The following CCNY variants were observed in gnomAD, a reference collection of about 807,000 sequenced individuals.
CCNY encodes the protein cyclin-Y.
CCNY carries 19 observed loss-of-function variants against 42.8 expected under a neutral mutation model. The observed-to-expected ratio is 0.44, with a 90% confidence interval of 0.31 to 0.65. The LOEUF (loss-of-function observed/expected upper bound fraction) is 0.65. CCNY is among the 30% of genes least tolerant of loss of function. The pLI, the probability that CCNY is intolerant of heterozygous loss-of-function variation, is 0.07. For synonymous variants in CCNY, 165 were observed against 162.7 expected (o/e 1.01, Z -0.11); for missense variants, 370 against 437.3 (o/e 0.85, Z 1.37).
chr10:35,380,030 T>C (rs1837144347), intron 1 of CCNY, among the ~76,000 whole-genome samples: 1 of 152,244 alleles, frequency 6.6e-6, no homozygotes, highest in Admixed American at 6.5e-5. Flanking sequence ...AGGACTACTT[T>C]GTGTTTCGAA....
At position 35,569,389 on chromosome 10, in the gene CCNY, CT is replaced by C. The variant is rs1841640878; in HGVS notation, c.*221del. ...GCTCTCCCCACTGTCAGCAACAGCA[CT>C]TCCTTCGTGGAGGAAGTGGACTCGA... On this transcript the variant is annotated 3_prime_UTR_variant, in exon 10 of 10. Transcript: ENST00000374704. 1 of 556,312 alleles carries C rather than the reference CT, an allele frequency of 1.8e-6. No homozygotes were observed. Among genetic ancestry groups the C allele is most frequent in the Non-Finnish European group, 3.2e-6 (1 of 310,270 alleles). The allele number at this position is 556,312 out of a possible 1,614,324, so 34.5% of individuals were successfully genotyped here.
At chr10:35,423,516 T>C (rs1838203549) in intron 1 of CCNY, among the ~76,000 whole-genome samples, 1 of 151,796 alleles carries the variant, frequency 6.6e-6, no homozygotes, top group African/African-American at 2.4e-5. Flanking sequence ...CTTTTTTTTT[T>C]TGGTGGGGTG....
intron 7 of CCNY, among the ~76,000 whole-genome samples, chr10:35,535,777 A>G (rs949722223): frequency 6.6e-6 from 1 of 152,208 alleles, no homozygotes; most frequent in Non-Finnish European, 1.5e-5. Flanking sequence ...TGTAGAGATG[A>G]TTTAAGTATA....
intron 1 of CCNY, among the ~76,000 whole-genome samples, chr10:35,428,369 GTGTTCTGGAGTAGAA>G (rs1838315063): frequency 6.6e-6 from 1 of 152,164 alleles, no homozygotes; most frequent in Non-Finnish European, 1.5e-5. Context: ...GTGGTAGGGG[GTGTTCTGGAGTAGAA>G]GGAAGGCCTG....
chr10:35,432,105 C>T lies in CCNY; in HGVS notation c.155-51299C>T, dbSNP rs548834585. On this transcript the variant is annotated intron_variant, in intron 1 of 9. Coordinates refer to ENST00000374704, the MANE Select transcript of CCNY (RefSeq NM_145012.6). Reference sequence around the variant, plus strand: ...TAACTTAAATAGTTGATTCATGTGGCGTATTTTTATTAGTATAAGCTAACC... The same window carrying T: ...TAACTTAAATAGTTGATTCATGTGGTGTATTTTTATTAGTATAAGCTAACC... Among the ~76,000 whole-genome samples, 21 of 152,144 alleles carry T rather than the reference C, an allele frequency of 1.4e-4. No homozygotes were observed. In the East Asian group the frequency reaches 3.7e-3, roughly 27 times the overall value.
chr10:35,402,705 A>T (rs576295849), intron 1 of CCNY, among the ~76,000 whole-genome samples: 1 of 152,290 alleles, frequency 6.6e-6, no homozygotes, highest in South Asian at 2.1e-4. Flanking sequence ...TGAGAATAAG[A>T]GTAAATATAA....
chr10:35,477,281 AT>A lies in CCNY; in HGVS notation c.155-6119del, dbSNP rs1839536607. On this transcript the variant is annotated intron_variant, in intron 1 of 9. Coordinates refer to ENST00000374704, the MANE Select transcript of CCNY (RefSeq NM_145012.6). ...AAAAAGAGGGAATCCTCCCTAACTC[AT>A]TTTATGAGGCCAGCATCATTCTGAT... 5.3e-5 allele frequency among the ~76,000 whole-genome samples: 8 copies of A among 152,188 alleles called. No homozygotes were observed. The South Asian group carries it at 1.7e-3, about 32-fold the overall frequency.
chr10:35,453,474 C>G (rs569779010), intron 1 of CCNY, among the ~76,000 whole-genome samples: 9 of 152,286 alleles, frequency 5.9e-5, no homozygotes, highest in African/African-American at 2.2e-4. Flanking sequence ...AAAGCCTCCT[C>G]TGAACATCAG....
intron 1 of CCNY, among the ~76,000 whole-genome samples, chr10:35,367,487 T>A (rs987961021): frequency 1.3e-5 from 2 of 152,182 alleles, no homozygotes; most frequent in Admixed American, 1.3e-4. Context: ...AATAATATTG[T>A]TAGGTAAAGG....
chr10:35,320,103 T>G (rs1835803735), intron 3 of CCNY, among the ~76,000 whole-genome samples: 1 of 152,022 alleles, frequency 6.6e-6, no homozygotes, highest in Non-Finnish European at 1.5e-5. Context: ...ACAAACTCAT[T>G]CTAAAAACAA....
At chr10:35,315,179 T>C (rs1213995405) in intron 3 of CCNY, 1 of 152,126 alleles carries the variant, frequency 6.6e-6, no homozygotes, top group Non-Finnish European at 1.5e-5. Context: ...GTCATGAGGG[T>C]TGGGTGTACA....
chr10:35,384,485 C>T (rs1337790233), intron 1 of CCNY, among the ~76,000 whole-genome samples: 5 of 152,292 alleles, frequency 3.3e-5, no homozygotes, highest in South Asian at 4.1e-4. Context: ...TAGCTATCTA[C>T]GTAGGAACAA....
At chr10:35,321,133 T>TACAC (rs1255290565) in intron 3 of CCNY, 2 of 128,698 alleles carry the variant, frequency 1.6e-5, no homozygotes, top group Admixed American at 8.0e-5. Context: ...AAAAAAAAAA[T>TACAC]ACACACACAC....
intron 1 of CCNY, among the ~76,000 whole-genome samples, chr10:35,434,979 C>T (rs900167756): frequency 4.6e-5 from 7 of 152,100 alleles, no homozygotes; most frequent in Non-Finnish European, 8.8e-5. Context: ...CTGTGCTGAG[C>T]GCTGTGAGAT....
intron 3 of CCNY, among the ~76,000 whole-genome samples, chr10:35,509,742 G>A (rs75717241): frequency 2.0e-5 from 3 of 152,148 alleles, no homozygotes; most frequent in Admixed American, 6.5e-5. Context: ...TGCCTTCCCC[G>A]CATGGGCATC....
chr10:35,283,409 T>TC (rs1260563304), intron 3 of CCNY, among the ~76,000 whole-genome samples: 1 of 152,064 alleles, frequency 6.6e-6, no homozygotes, highest in Non-Finnish European at 1.5e-5. Context: ...GACAGTTTTT[T>TC]TTTTTTTTAG....
intron 3 of CCNY, among the ~76,000 whole-genome samples, chr10:35,268,168 T>C (rs2095727560): frequency 6.6e-6 from 1 of 152,142 alleles, no homozygotes; most frequent in South Asian, 2.1e-4. Flanking sequence ...ATGCTGGGAT[T>C]ACAGGCGTGA....
At position 35,314,591 on chromosome 10, in the gene CCNY, A is replaced by C. The variant is rs570203153; in HGVS notation, c.-9+63965A>C. 2.6e-5 allele frequency: 4 copies of C among 152,266 alleles called. No homozygotes were observed. In the South Asian group the frequency reaches 8.3e-4, roughly 32 times the overall value. The allele number at this position is 152,266 out of a possible 1,614,324, so 9.4% of individuals were successfully genotyped here. A position where few individuals can be genotyped will look rare whatever the true frequency, so the allele number is the denominator to read the frequency against. The stretch of plus-strand genomic sequence containing the variant: ...TTTTTATTGTGGTAAAATAATATGA[A>C]ATTTATCATAACCTTTTCTTGTATT... On this transcript the variant is annotated intron_variant, in intron 3 of 11. Coordinates refer to the CCNY transcript ENST00000374706.
At chr10:35,280,358 A>AAAGG (rs1297200668) in intron 3 of CCNY, among the ~76,000 whole-genome samples, 1 of 134,804 alleles carries the variant, frequency 7.4e-6, no homozygotes, top group East Asian at 2.2e-4. Context: ...AGAAGGAAAG[A>AAAGG]AAGAAAGGAA....
Sources: gnomAD v4.1 joint callset for allele counts (sites outside exome capture counted in the v4.1 genomes callset) on GRCh38, gnomAD v4.1.1 for gene constraint, MANE v1.5 for transcripts, NCBI Gene and HGNC (gene_info 2026-07-23, HGNC 2026-07-21) for gene names.